Variants in SPNS1 observed in about 807,000 individuals in gnomAD.
SPNS1 encodes SPNS lysolipid transporter 1, lysophospholipid.
A neutral mutation model predicts 50.3 loss-of-function variants in SPNS1; 22 were observed. The observed-to-expected ratio is 0.44, with a 90% confidence interval of 0.31 to 0.62. The LOEUF is 0.62. SPNS1 is among the 20% of genes least tolerant of loss of function. The pLI, the probability that SPNS1 is intolerant of heterozygous loss-of-function variation, is 0.07. For synonymous variants in SPNS1, 295 were observed against 317.4 expected (o/e 0.93, Z 0.75); for missense variants, 576 against 728.6 (o/e 0.79, Z 2.41).
chr16:28,984,194 T>G lies in SPNS1; in HGVS notation c.1493-11T>G. The stretch of plus-strand genomic sequence containing the variant: ...ATCCAGCTCACCCTGGCTCTGACCC[T>G]CCCCCCTCAGGCCTGCTGCACGAAG... On this transcript the variant is annotated splice_polypyrimidine_tract_variant and intron_variant, in intron 11 of 11. Transcript: ENST00000311008. The G allele has an allele frequency of 1.9e-6, 3 of 1,550,466 alleles. No homozygotes were observed. In the South Asian group the frequency reaches 3.7e-5, roughly 19 times the overall value.
rs755331679 is a variant in SPNS1, at chr16:28,982,004, C to T, written c.913C>T (p.Leu305Phe). Residue 305 changes from leucine to phenylalanine, a missense_variant, in exon 7 of 12, where the codon CTT becomes TTT. Transcript: ENST00000311008. Reference sequence around the variant, plus strand: ...ATTCCTGCTGCGTTCCCGCGTGGTCCTTGGGGAGACCCCACCCTGCCTTCC... The same window carrying T: ...ATTCCTGCTGCGTTCCCGCGTGGTCTTTGGGGAGACCCCACCCTGCCTTCC... ...PAFLLRSRVVLGETPPCLPGD... is the reference protein window; with the variant it reads ...PAFLLRSRVVFGETPPCLPGD... 6.2e-7 allele frequency: 1 copy of T among 1,614,212 alleles called. No homozygotes were observed.
intron 5 of SPNS1, among the ~76,000 whole-genome samples, chr16:28,980,905 G>T (rs1004204676): frequency 2.0e-5 from 3 of 152,202 alleles, no homozygotes; most frequent in African/African-American, 7.2e-5. Flanking sequence ...TAAAGGGGCT[G>T]TCTTGGCTTT....
intron 5 of SPNS1, chr16:28,980,503 C>G (rs1965507782): frequency 1.3e-5 from 2 of 151,962 alleles, no homozygotes; most frequent in Non-Finnish European, 2.9e-5. Context: ...ACCTGGAAGC[C>G]ATGTGCTAGA....
At chr16:28,978,082 C>G (rs371536107) in intron 3 of SPNS1, 38 bp downstream of exon 3, 2 of 1,600,072 alleles carry the variant, frequency 1.2e-6, no homozygotes, top group African/African-American at 2.7e-5. Context: ...TGCCCACACC[C>G]CCTCCCTGTC....
rs781614203 is a variant in SPNS1, at chr16:28,984,387, C to T, written c.*88C>T. On this transcript the variant is annotated 3_prime_UTR_variant, in exon 12 of 12. Coordinates refer to ENST00000311008, the MANE Select transcript of SPNS1 (RefSeq NM_032038.3). ...GCCTGGGCCTAACCCCTTGGCCTGG[C>T]CCAGCTTCCAGAGGGACCCTGGGCC... The T allele has an allele frequency of 5.2e-6, 7 of 1,346,106 alleles. No homozygotes were observed. The highest frequency in any genetic ancestry group is 3.7e-5 in the South Asian group (3 of 82,028). 83.4% of individuals were successfully genotyped at this position (1,346,106 alleles called of 1,614,324 possible). A position where few individuals can be genotyped will look rare whatever the true frequency, so the allele number is the denominator to read the frequency against.
chr16:28,981,954 G>A lies in SPNS1; in HGVS notation c.863G>A (p.Gly288Asp). The change falls in exon 7 of 12, where the codon GGC (glycine) becomes GAC (aspartate). Residue 288 changes from glycine (G) to aspartate (D), a missense_variant. Physicochemically the swap from Gly to Asp is moderately conservative, Grantham distance 94. Coordinates refer to ENST00000311008, the MANE Select transcript of SPNS1 (RefSeq NM_032038.3). The surrounding 1 kb of genome is among the most constrained non-coding windows in gnomAD (Gnocchi z 4.2). ...TTCACTGCTGTGGCCTTTGTCACGG[G>A]CTCCCTGGCTCTGTGGGCTCCGGCA... ...LGFTAVAFVT[G>D]SLALWAPAFL... is the part of the protein sequence containing the mutation. 12 of 1,614,202 alleles carry A rather than the reference G, an allele frequency of 7.4e-6. No homozygotes were observed. Among genetic ancestry groups the A allele is most frequent in the Non-Finnish European group, 1.0e-5 (12 of 1,180,044 alleles).
intron 3 of SPNS1, 22 bp from the exon 4 acceptor site, chr16:28,979,133 T>C: frequency 6.2e-7 from 1 of 1,607,426 alleles, no homozygotes; most frequent in Non-Finnish European, 8.5e-7. Flanking sequence ...GGGTGCCACC[T>C]CTCCCCGGTC....
intron 3 of SPNS1, chr16:28,978,708 C>T (rs1965429807): frequency 1.2e-5 from 2 of 170,302 alleles, no homozygotes; most frequent in Non-Finnish European, 2.5e-5. Flanking sequence ...CACTCCACCC[C>T]AGAACTCTGT....
At chr16:28,976,106 T>C (rs1199230065) in intron 2 of SPNS1, among the ~76,000 whole-genome samples, 1 of 152,066 alleles carries the variant, frequency 6.6e-6, no homozygotes. Flanking sequence ...ACCCCATCTG[T>C]ACTAAAAATA....
At position 28,981,848 on chromosome 16, in the gene SPNS1, C is replaced by T. The variant is rs1179292528; in HGVS notation, c.810-53C>T. On this transcript the variant is annotated intron_variant, in intron 6 of 11. Coordinates refer to ENST00000311008, the MANE Select transcript of SPNS1 (RefSeq NM_032038.3). The surrounding 1 kb of genome is among the most constrained non-coding windows in gnomAD (Gnocchi z 4.2). ...CAGGAAGGGAGAAGAGAGGTCCCCT[C>T]CTGCCTCGACACCTCCGTGGGGTCT... The T allele has an allele frequency of 2.5e-6, 4 of 1,604,184 alleles. No homozygotes were observed. The highest frequency in any genetic ancestry group is 3.4e-6 in the Non-Finnish European group (4 of 1,172,928).
At position 28,982,156 on chromosome 16, in the gene SPNS1, C is replaced by T. The variant is rs996295605; in HGVS notation, c.965+100C>T. ...AGGCAGGGAGTTTGACTCCTGACTTCACAAGCTGCCTGCTCTCCTGGAATC... is the reference window on the plus strand; with the variant it reads ...AGGCAGGGAGTTTGACTCCTGACTTTACAAGCTGCCTGCTCTCCTGGAATC... On this transcript the variant is annotated intron_variant, in intron 7 of 11. Coordinates refer to ENST00000311008, the MANE Select transcript of SPNS1 (RefSeq NM_032038.3). 4.8e-6 allele frequency: 7 copies of T among 1,454,572 alleles called. No individual in the cohort carries two copies. In the Admixed American group the frequency reaches 1.4e-4, roughly 30 times the overall value. 90.1% of individuals were successfully genotyped at this position (1,454,572 alleles called of 1,614,324 possible).
Position 28,981,448 on chromosome 16 carries a change from C to T in SPNS1, c.664-22C>T. 6.2e-7 allele frequency: 1 copy of T among 1,613,742 alleles called. No individual in the cohort carries two copies. The highest frequency in any genetic ancestry group is 8.5e-7 in the Non-Finnish European group (1 of 1,179,822). ...TGAGTGTGTCTCTCCCTGTGCCTATCCTGAAGCCCTCTGTCTCCCAGGTGA... is the reference window on the plus strand; with the variant it reads ...TGAGTGTGTCTCTCCCTGTGCCTATTCTGAAGCCCTCTGTCTCCCAGGTGA... On this transcript the variant is annotated intron_variant, in intron 5 of 11. Transcript: ENST00000311008. This position sits in a 1 kb window ranked among gnomAD's most constrained non-coding sequence, Gnocchi z 4.2.
chr16:28,978,249 C>T (rs1259159370), intron 3 of SPNS1, among the ~76,000 whole-genome samples: 1 of 152,062 alleles, frequency 6.6e-6, no homozygotes, highest in Non-Finnish European at 1.5e-5. Context: ...TCCATTATCC[C>T]CTCTTCCCCT....
Position 28,981,741 on chromosome 16 carries a change from G to T in SPNS1, c.809+126G>T. ...GTAATTCGGTCGATACTGTCCCCTT[G>T]TGGCAGCTGCTTGAATTACAGGCCC... On this transcript the variant is annotated intron_variant, in intron 6 of 11. Transcript: ENST00000311008. This position sits in a 1 kb window ranked among gnomAD's most constrained non-coding sequence, Gnocchi z 4.2. 1 of 1,495,488 alleles carries T rather than the reference G, an allele frequency of 6.7e-7. No individual in the cohort carries two copies. The highest frequency in any genetic ancestry group is 1.3e-5 in the South Asian group (1 of 79,394). The allele number at this position is 1,495,488 out of a possible 1,614,324, so 92.6% of individuals were successfully genotyped here.
chr16:28,979,399 C>T lies in SPNS1; in HGVS notation c.597-6C>T, dbSNP rs779549859. 6.2e-7 allele frequency: 1 copy of T among 1,614,130 alleles called. No homozygotes were observed. The highest frequency in any genetic ancestry group is 8.5e-7 in the Non-Finnish European group (1 of 1,180,022). ...CCCCCCTTTTTCCCCTCTCTCCCTC[C>T]CACAGTGGTCTGGGCTACATTGCAG... On this transcript the variant is annotated splice_polypyrimidine_tract_variant and splice_region_variant and intron_variant, in intron 4 of 11. Transcript: ENST00000311008.
At position 28,979,155 on chromosome 16, in the gene SPNS1, C is replaced by T; in HGVS notation, c.445C>T (p.His149Tyr). 1 of 1,613,540 alleles carries T rather than the reference C, an allele frequency of 6.2e-7. No individual in the cohort carries two copies. Among genetic ancestry groups the T allele is most frequent in the Non-Finnish European group, 8.5e-7 (1 of 1,179,824 alleles). ...TLGSSFIPGE[H>Y]FWLLLLTRGL... ...ACCTCTCCCCGGTCTCTCTCCCCAG[C>T]ATTTCTGGCTGCTCCTCCTGACCCG... is the stretch of plus-strand genomic sequence containing the variant. Residue 149 changes from histidine to tyrosine, a missense_variant and splice_region_variant, in exon 4 of 12, where the codon CAT (histidine) becomes TAT (tyrosine). Physicochemically the swap from His to Tyr is moderately conservative, Grantham distance 83 (BLOSUM62 2). Transcript: ENST00000311008.
In SPNS1 at chr16:28,982,439, C is replaced by T. The variant is rs1402652406; in HGVS notation, c.1049C>T (p.Ser350Phe). 1 of 1,613,712 alleles carries T rather than the reference C, an allele frequency of 6.2e-7. No individual in the cohort carries two copies. The highest frequency in any genetic ancestry group is 8.5e-7 in the Non-Finnish European group (1 of 1,179,862). Reference sequence around the variant, plus strand: ...GAGATCAGCCGCCGGCTCCGCCACTCCAACCCCCGGGCTGATCCCCTGGTC... The same window carrying T: ...GAGATCAGCCGCCGGCTCCGCCACTTCAACCCCCGGGCTGATCCCCTGGTC... ...GVEISRRLRHSNPRADPLVCA... is the reference protein window; with the variant it reads ...GVEISRRLRHFNPRADPLVCA... Residue 350 changes from serine to phenylalanine, a missense_variant, in exon 8 of 12, where the codon TCC becomes TTC. This residue lies in a region of SPNS1 where 428 missense variants were observed against 520.1 expected (regional missense o/e 0.82). Coordinates refer to ENST00000311008, the MANE Select transcript of SPNS1 (RefSeq NM_032038.3).
At chr16:28,977,594 G>A (rs560511861) in intron 2 of SPNS1, among the ~76,000 whole-genome samples, 10 of 152,302 alleles carry the variant, frequency 6.6e-5, no homozygotes, top group African/African-American at 2.4e-4. Context: ...GGAGAGGTAG[G>A]CAGGGCCTAG....
At chr16:28,976,881 T>C (rs1189523804) in intron 2 of SPNS1, among the ~76,000 whole-genome samples, 1 of 152,200 alleles carries the variant, frequency 6.6e-6, no homozygotes, top group South Asian at 2.1e-4. Context: ...GGCTGTGTGT[T>C]AAGTAAGTGA....
Sources: allele counts gnomAD v4.1 joint callset (sites outside exome capture counted in the v4.1 genomes callset), GRCh38; gene constraint gnomAD v4.1.1; regional missense constraint gnomAD v4.1.1; non-coding constraint Gnocchi (gnomAD v3.1); transcripts MANE v1.5; gene names NCBI Gene and HGNC (gene_info 2026-07-23, HGNC 2026-07-21).